The following DOCK4 variants were observed in gnomAD, a reference collection of about 807,000 sequenced individuals.
DOCK4 encodes dedicator of cytokinesis 4, also known as dedicator of cytokinesis protein 4.
DOCK4 carries 97 observed loss-of-function variants against 268.1 expected under a neutral mutation model. The observed-to-expected ratio is 0.36, with a 90% CI of 0.31 to 0.43. DOCK4 has a LOEUF of 0.43. Among genes scored for constraint, DOCK4 ranks in the 20% least tolerant of loss-of-function variants. DOCK4 has a pLI of 1.00. For missense variants in DOCK4, 2,145 were observed against 2,455.7 expected, an observed-to-expected ratio of 0.87 and a Z score of 2.67; for synonymous variants, 954 against 887.2, an observed-to-expected ratio of 1.08 and a Z score of -1.34.
chr7:112,057,198 G>C (rs1228061974), intron 1 of DOCK4, among the ~76,000 whole-genome samples: 1 of 152,046 alleles, frequency 6.6e-6, no homozygotes, highest in Non-Finnish European at 1.5e-5. Context: ...AGGATCACTT[G>C]AGCCCAGGAG....
chr7:111,990,037 T>C (rs1413842840), intron 5 of DOCK4, among the ~76,000 whole-genome samples: 3 of 152,246 alleles, frequency 2.0e-5, no homozygotes, highest in African/African-American at 7.2e-5. Flanking sequence ...TGAAAAAGCT[T>C]TGACAATTCA....
At chr7:112,057,029 A>T (rs1805878682) in intron 1 of DOCK4, among the ~76,000 whole-genome samples, 1 of 152,210 alleles carries the variant, frequency 6.6e-6, no homozygotes, top group African/African-American at 2.4e-5. Context: ...AATTTATTGT[A>T]TATAAATTAT....
At chr7:111,835,646 A>G (rs1044058382) in intron 25 of DOCK4, among the ~76,000 whole-genome samples, 1 of 152,226 alleles carries the variant, frequency 6.6e-6, no homozygotes, top group Non-Finnish European at 1.5e-5. Flanking sequence ...AGAGGCAATC[A>G]CTGGTAACTA....
intron 1 of DOCK4, among the ~76,000 whole-genome samples, chr7:112,162,944 C>T (rs904278829): frequency 2.6e-5 from 4 of 152,168 alleles, no homozygotes; most frequent in Admixed American, 2.6e-4. Context: ...TAACAGATTT[C>T]TTTGTTCATT....
chr7:111,984,827 CT>C (rs1798927355), intron 6 of DOCK4, among the ~76,000 whole-genome samples: 1 of 152,218 alleles, frequency 6.6e-6, no homozygotes, highest in African/African-American at 2.4e-5. Context: ...GTATACCTAG[CT>C]GTGCCCAGAG....
chr7:111,769,412 T>C, intron 37 of DOCK4, 117 bp downstream of exon 37: 1 of 1,302,386 alleles, frequency 7.7e-7, no homozygotes, highest in South Asian at 1.4e-5. Context: ...CTAATATACA[T>C]TAAGATGTGA....
chr7:111,991,109 C>T (rs966080980), intron 5 of DOCK4, among the ~76,000 whole-genome samples: 1 of 152,138 alleles, frequency 6.6e-6, no homozygotes, highest in Non-Finnish European at 1.5e-5. Context: ...TTGGGAAAGG[C>T]GTTCTGTAGT....
At chr7:111,754,549 T>C (rs1211169205) in intron 42 of DOCK4, among the ~76,000 whole-genome samples, 2 of 152,212 alleles carry the variant, frequency 1.3e-5, no homozygotes, top group Non-Finnish European at 2.9e-5. Context: ...AAACACATTA[T>C]TATTTCTGCA....
At chr7:112,027,888 T>C (rs1370388538) in intron 1 of DOCK4, among the ~76,000 whole-genome samples, 1 of 152,222 alleles carries the variant, frequency 6.6e-6, no homozygotes, top group African/African-American at 2.4e-5. Flanking sequence ...CACAGTCTTT[T>C]TTCCGAACTC....
At chr7:112,205,970 C>G in intron 1 of DOCK4, 132 bp downstream of exon 1, 1 of 1,042,016 alleles carries the variant, frequency 9.6e-7, no homozygotes, top group Non-Finnish European at 1.4e-6. Flanking sequence ...CGGCAAAGCC[C>G]CGTACCAGCT....
intron 1 of DOCK4, among the ~76,000 whole-genome samples, chr7:112,022,535 T>C (rs1331636803): frequency 2.0e-5 from 3 of 152,152 alleles, no homozygotes; most frequent in Admixed American, 1.3e-4. Flanking sequence ...CTGCTACTTA[T>C]TAACGACGTG....
In DOCK4 at chr7:112,181,486, T is replaced by C. The variant is rs956895603; in HGVS notation, c.37+24616A>G. On this transcript the variant is annotated intron_variant, in intron 1 of 52. Transcript: ENST00000428084. The stretch of plus-strand genomic sequence containing the variant: ...GACTGGGAAACATACTGAGACTCCA[T>C]CTCTACAAAAAAATTTAAAAATTAG... Among the ~76,000 whole-genome samples, 21 of 151,736 alleles carry C rather than the reference T, an allele frequency of 1.4e-4. 1 individual carries two copies. The highest frequency in any genetic ancestry group is 5.1e-4 in the African/African-American group (21 of 41,282).
chr7:112,151,879 T>C (rs1162000057), intron 1 of DOCK4, among the ~76,000 whole-genome samples: 1 of 151,148 alleles, frequency 6.6e-6, no homozygotes, highest in Non-Finnish European at 1.5e-5. Flanking sequence ...TGGCTTTAGA[T>C]TCAGAAGAGG....
intron 7 of DOCK4, among the ~76,000 whole-genome samples, chr7:111,980,267 A>G (rs985491668): frequency 1.3e-5 from 2 of 152,126 alleles, no homozygotes; most frequent in Non-Finnish European, 2.9e-5. Context: ...ACCCATTTGG[A>G]CTTAGTAGGT....
At chr7:112,191,779 G>T (rs1455285186) in intron 1 of DOCK4, among the ~76,000 whole-genome samples, 1 of 151,876 alleles carries the variant, frequency 6.6e-6, no homozygotes, top group South Asian at 2.1e-4. Context: ...GCCCTCTCTA[G>T]GTCTGCTGTA....
intron 1 of DOCK4, among the ~76,000 whole-genome samples, chr7:112,176,780 T>A (rs1818555733): frequency 6.6e-6 from 1 of 152,250 alleles, no homozygotes; most frequent in African/African-American, 2.4e-5. Flanking sequence ...CTGAAAGTAC[T>A]GTGTTCCGCG....
chr7:111,980,034 G>T (rs1798491661), intron 7 of DOCK4, among the ~76,000 whole-genome samples: 2 of 152,188 alleles, frequency 1.3e-5, no homozygotes, highest in Non-Finnish European at 2.9e-5. Context: ...GAGAATCACT[G>T]ATCAGGATCA....
intron 30 of DOCK4, among the ~76,000 whole-genome samples, chr7:111,802,449 C>T (rs968698414): frequency 1.3e-5 from 2 of 152,124 alleles, no homozygotes; most frequent in African/African-American, 2.4e-5. Context: ...GACACTAAAC[C>T]TTTGCACAGC....
intron 23 of DOCK4, among the ~76,000 whole-genome samples, chr7:111,853,658 C>G (rs897694701): frequency 1.3e-5 from 2 of 152,174 alleles, no homozygotes; most frequent in Admixed American, 1.3e-4. Context: ...TACGGATGAT[C>G]CCTGTATTAA....
Sources: gnomAD v4.1 joint callset for allele counts (sites outside exome capture counted in the v4.1 genomes callset) on GRCh38, gnomAD v4.1.1 for gene constraint, MANE v1.5 for transcripts, NCBI Gene and HGNC (gene_info 2026-07-23, HGNC 2026-07-21) for gene names.